The following SDK1 variants were observed in gnomAD, a reference collection of about 807,000 sequenced individuals.
SDK1 encodes protein sidekick-1.
SDK1 carries 157 observed loss-of-function variants against 245.5 expected under a neutral mutation model. That is an observed-to-expected ratio of 0.64 (90% CI 0.56 to 0.73). The LOEUF is 0.73. SDK1 is among the 30% of genes least tolerant of loss of function. The probability of loss-of-function intolerance (pLI) is 0.00; values close to 1 mark genes in which losing one functional copy is unlikely to be tolerated. For missense variants in SDK1, 3,583 were observed against 3,002.3 expected (o/e 1.19, Z -4.52); for synonymous variants, 1,647 against 1,278.5 (o/e 1.29, Z -6.15).
intron 4 of SDK1, among the ~76,000 whole-genome samples, chr7:3,674,574 G>C (rs1453553078): frequency 6.6e-6 from 1 of 152,188 alleles, no homozygotes; most frequent in Admixed American, 6.5e-5. Context: ...GTTCATGGCT[G>C]TTTGGGGATT....
intron 14 of SDK1, among the ~76,000 whole-genome samples, chr7:4,001,142 C>T (rs961696105): frequency 8.5e-5 from 13 of 152,268 alleles, no homozygotes; most frequent in African/African-American, 2.4e-4. Flanking sequence ...CCGCACGGTG[C>T]GGAATACAGC....
At chr7:3,857,348 C>T (rs1241026032) in intron 5 of SDK1, among the ~76,000 whole-genome samples, 2 of 152,032 alleles carry the variant, frequency 1.3e-5, no homozygotes, top group Non-Finnish European at 2.9e-5. Context: ...AGAAAAAGAG[C>T]AAACTGTCAT....
At chr7:3,598,659 C>G (rs1781150178) in intron 1 of SDK1, among the ~76,000 whole-genome samples, 2 of 152,186 alleles carry the variant, frequency 1.3e-5, no homozygotes, top group South Asian at 4.1e-4. Flanking sequence ...AATCCCTTCT[C>G]TATTTCTATA....
chr7:3,887,182 C>G (rs1216168870), intron 5 of SDK1, among the ~76,000 whole-genome samples: 1 of 152,156 alleles, frequency 6.6e-6, no homozygotes, highest in Non-Finnish European at 1.5e-5. Flanking sequence ...GTCCAGGCTG[C>G]TTTGATCTTG....
rs576032496 is a variant in SDK1 at position 4,105,540 on chromosome 7, C to G, written c.3325-5123C>G. Among the ~76,000 whole-genome samples, 3 of 148,662 alleles carry G rather than the reference C, an allele frequency of 2.0e-5. No homozygotes were observed. In the South Asian group the frequency reaches 6.4e-4, roughly 32 times the overall value. Reference sequence around the variant, plus strand: ...CAGGCTGGTCTTGATCTCTTGACCTCGTGATCCACCCACCTCAGCCTCCCA... The same window carrying G: ...CAGGCTGGTCTTGATCTCTTGACCTGGTGATCCACCCACCTCAGCCTCCCA... On this transcript the variant is annotated intron_variant, in intron 22 of 44. Coordinates refer to ENST00000404826, the MANE Select transcript of SDK1 (RefSeq NM_152744.4).
At chr7:3,899,802 C>G (rs913639313) in intron 5 of SDK1, among the ~76,000 whole-genome samples, 1 of 152,240 alleles carries the variant, frequency 6.6e-6, no homozygotes, top group Admixed American at 6.5e-5. Flanking sequence ...GGCTGACACT[C>G]CTCTATAGGG....
Position 3,981,971 on chromosome 7 carries a change from G to A in SDK1, c.1995-5215G>A, listed in dbSNP as rs1347906951. 3.3e-5 allele frequency among the ~76,000 whole-genome samples: 5 copies of A among 152,304 alleles called. No homozygotes were observed. In the South Asian group the frequency reaches 6.2e-4, roughly 19 times the overall value. ...GTGTAGACGAAACAGCCTTTTATGG[G>A]AAGAAGATACCATCTAGGACTTTCC... On this transcript the variant is annotated intron_variant, in intron 13 of 44. Transcript: ENST00000404826.
chr7:3,341,827 C>G (rs1346503635), intron 1 of SDK1, among the ~76,000 whole-genome samples: 1 of 152,190 alleles, frequency 6.6e-6, no homozygotes, highest in Non-Finnish European at 1.5e-5. Flanking sequence ...CTGGAATATT[C>G]AACACGGTAA....
In SDK1 at chr7:3,881,451, G is replaced by A. The variant is rs144886755; in HGVS notation, c.847+59868G>A. 5.9e-5 allele frequency among the ~76,000 whole-genome samples: 9 copies of A among 152,314 alleles called. No homozygotes were observed. In the East Asian group the frequency reaches 1.4e-3, roughly 23 times the overall value. The stretch of plus-strand genomic sequence containing the variant: ...CAAGATTTCATTCCTTTTTGTGGCT[G>A]CATGGTATTCCATGGTGTATACGTA... On this transcript the variant is annotated intron_variant, in intron 5 of 44. Coordinates refer to ENST00000404826, the MANE Select transcript of SDK1 (RefSeq NM_152744.4).
In SDK1 at chr7:4,026,299, C is replaced by G. The variant is rs955575108; in HGVS notation, c.2602+8947C>G. Among the ~76,000 whole-genome samples the G allele has an allele frequency of 6.6e-6, 1 of 152,228 alleles. No individual in the cohort carries two copies. The highest frequency in any genetic ancestry group is 1.5e-5 in the Non-Finnish European group (1 of 68,036). On this transcript the variant is annotated intron_variant, in intron 17 of 44. Coordinates refer to ENST00000404826, the MANE Select transcript of SDK1 (RefSeq NM_152744.4). This position sits in a 1 kb window ranked among gnomAD's most constrained non-coding sequence, Gnocchi z 4.1. ...GACACCAAGTCGGCAGGAGCCCAAGCGAGTGGCCAGAGCTTCCACCCTCGG... is the reference window on the plus strand; with the variant it reads ...GACACCAAGTCGGCAGGAGCCCAAGGGAGTGGCCAGAGCTTCCACCCTCGG...
intron 19 of SDK1, among the ~76,000 whole-genome samples, chr7:4,065,694 GTTTTTTTTTTTTTTTTTT>G (rs749991713): frequency 2.2e-4 from 15 of 66,760 alleles, no homozygotes; most frequent in Admixed American, 5.4e-4. Context: ...AGTGGTTGTT[GTTTTTTTTTTTTTTTTTT>G]TTTTTTTTTT....
rs1583213430 is a variant in SDK1, at chr7:4,267,987, T to C, written c.*2603T>C. 1 of 985,500 alleles carries C rather than the reference T, an allele frequency of 1.0e-6. No individual in the cohort carries two copies. Among genetic ancestry groups the C allele is most frequent in the Non-Finnish European group, 1.2e-6 (1 of 829,978 alleles). 61.0% of individuals were successfully genotyped at this position (985,500 alleles called of 1,614,324 possible). A position where few individuals can be genotyped will look rare whatever the true frequency, so the allele number is the denominator to read the frequency against. On this transcript the variant is annotated 3_prime_UTR_variant, in exon 45 of 45. Transcript: ENST00000404826. ...TGAGAAGCAACAGTTCCTAACTCCT[T>C]ATCTTCAGGGAAGGAAAAGAAAATC...
At chr7:4,128,777 A>G (rs113348218) in intron 26 of SDK1, among the ~76,000 whole-genome samples, 843 of 35,884 alleles carry the variant, frequency 0.023, no homozygotes, top group Middle Eastern at 0.071. Flanking sequence ...AGAGCAGCTT[A>G]GGGTTGGGTG....
At chr7:3,641,791 C>A (rs1285309659) in intron 3 of SDK1, among the ~76,000 whole-genome samples, 167 bp from the exon 4 acceptor site, 1 of 152,240 alleles carries the variant, frequency 6.6e-6, no homozygotes, top group African/African-American at 2.4e-5. Flanking sequence ...GCTTCACTCG[C>A]AAGCAGATCC....
At chr7:3,612,571 C>T (rs1781626739) in intron 1 of SDK1, among the ~76,000 whole-genome samples, 1 of 152,150 alleles carries the variant, frequency 6.6e-6, no homozygotes, top group South Asian at 2.1e-4. Context: ...TACATTCTGC[C>T]CTGTGCTTTT....
At position 4,110,664 on chromosome 7, in the gene SDK1, T is replaced by G. The variant is rs767710776; in HGVS notation, c.3326T>G (p.Val1109Gly). The change falls in exon 23 of 45, where the codon GTG becomes GGG. Residue 1109 changes from valine to glycine, a missense_variant and splice_region_variant. Coordinates refer to ENST00000404826, the MANE Select transcript of SDK1 (RefSeq NM_152744.4). ...SISRWIVEGQ[V>G]GAIGDEEEWV... ...ATCTCAGTGTCTCCCTCTGCACAGGTGGGAGCTATCGGCGACGAGGAGGAG... is the reference window on the plus strand; with the variant it reads ...ATCTCAGTGTCTCCCTCTGCACAGGGGGGAGCTATCGGCGACGAGGAGGAG... The G allele has an allele frequency of 1.9e-6, 3 of 1,607,522 alleles. No individual in the cohort carries two copies. In the Admixed American group the frequency reaches 5.0e-5, roughly 27 times the overall value.
intron 5 of SDK1, among the ~76,000 whole-genome samples, chr7:3,933,372 C>A (rs980645224): frequency 6.6e-6 from 1 of 152,154 alleles, no homozygotes; most frequent in African/African-American, 2.4e-5. Context: ...CTCAGCCTCC[C>A]ATAATGCTGG....
intron 5 of SDK1, among the ~76,000 whole-genome samples, chr7:3,938,971 G>C (rs538133244): frequency 2.8e-4 from 42 of 152,316 alleles, no homozygotes; most frequent in African/African-American, 8.9e-4. Context: ...CTGCTGGATT[G>C]TCAAACTGTC....
At chr7:3,873,266 G>A (rs906053007) in intron 5 of SDK1, among the ~76,000 whole-genome samples, 1 of 152,036 alleles carries the variant, frequency 6.6e-6, no homozygotes, top group African/African-American at 2.4e-5. Context: ...TAATTCCACT[G>A]TTTTCTTGTT....
Sources: gnomAD v4.1 joint callset for allele counts (sites outside exome capture counted in the v4.1 genomes callset) on GRCh38, gnomAD v4.1.1 for gene constraint, Gnocchi (gnomAD v3.1) non-coding constraint, MANE v1.5 for transcripts, NCBI Gene and HGNC (gene_info 2026-07-23, HGNC 2026-07-21) for gene names.